Variants in TRPC4AP observed in about 807,000 individuals in gnomAD.
The protein encoded by TRPC4AP is short transient receptor potential channel 4-associated protein.
A neutral mutation model predicts 99.0 loss-of-function variants in TRPC4AP; 45 were observed. The ratio of observed to expected loss-of-function variants is 0.45; its 90% CI spans 0.36 to 0.58. The LOEUF (loss-of-function observed/expected upper bound fraction) is 0.58. TRPC4AP is among the 20% of genes least tolerant of loss of function. The pLI is 0.00. For synonymous variants in TRPC4AP, 408 were observed against 385.8 expected (o/e 1.06, Z -0.67); for missense variants, 879 against 985.3 (o/e 0.89, Z 1.44).
intron 7 of TRPC4AP, among the ~76,000 whole-genome samples, chr20:35,037,623 C>T (rs2083350918): frequency 6.6e-6 from 1 of 152,134 alleles, no homozygotes; most frequent in African/African-American, 2.4e-5. Context: ...TAATGAACCA[C>T]AAAAACATTA....
At chr20:35,090,613 A>C (rs1313873508) in intron 1 of TRPC4AP, among the ~76,000 whole-genome samples, 2 of 151,948 alleles carry the variant, frequency 1.3e-5, no homozygotes, top group African/African-American at 4.8e-5. Flanking sequence ...ACCTCAGATG[A>C]TCCACCCGCC....
intron 5 of TRPC4AP, 106 bp downstream of exon 5, chr20:35,054,866 ACTGT>A (rs2083788449): frequency 5.3e-6 from 5 of 934,788 alleles, no homozygotes; most frequent in Non-Finnish European, 6.6e-6. Context: ...CGATTCCCCC[ACTGT>A]CTGAAAGCAG....
At chr20:35,024,793 A>G (rs2082980202) in intron 8 of TRPC4AP, among the ~76,000 whole-genome samples, 2 of 138,386 alleles carry the variant, frequency 1.4e-5, no homozygotes, top group Admixed American at 1.6e-4. Context: ...ACACCACTGC[A>G]CTGTAGCCTA....
intron 2 of TRPC4AP, among the ~76,000 whole-genome samples, 197 bp downstream of exon 2, chr20:35,077,849 A>T (rs1313291757): frequency 6.6e-6 from 1 of 152,154 alleles, no homozygotes; most frequent in Non-Finnish European, 1.5e-5. Flanking sequence ...CCTAATGGTG[A>T]TTATCTTGGG....
chr20:35,037,722 C>T (rs976458867), intron 7 of TRPC4AP, among the ~76,000 whole-genome samples: 1 of 152,208 alleles, frequency 6.6e-6, no homozygotes, highest in Non-Finnish European at 1.5e-5. Context: ...TTGCGGTCAA[C>T]AACGACCACA....
At chr20:35,042,274 C>T (rs185062296) in intron 7 of TRPC4AP, among the ~76,000 whole-genome samples, 1 of 152,266 alleles carries the variant, frequency 6.6e-6, no homozygotes, top group East Asian at 1.9e-4. Context: ...AAACTTCTAC[C>T]TTTACATATG....
chr20:35,078,133 C>G lies in TRPC4AP; in HGVS notation c.210G>C (p.Lys70Asn), dbSNP rs758519272. The change falls in exon 2 of 19, where the codon AAG becomes AAC. Residue 70 changes from lysine (K) to asparagine (N), a missense_variant. Lys to Asn is a moderately conservative substitution (Grantham distance 94, BLOSUM62 0). Coordinates refer to ENST00000252015, the MANE Select transcript of TRPC4AP (RefSeq NM_015638.3). ...GGAGCAGCTGAGGAATTCCACTCCACTTGGATTGTTTGTCCCTCTCCGTCA... is the reference window on the plus strand; with the variant it reads ...GGAGCAGCTGAGGAATTCCACTCCAGTTGGATTGTTTGTCCCTCTCCGTCA... Reference protein sequence around the residue: ...TFLTERDKQSKWSGIPQLLLK... With the variant: ...TFLTERDKQSNWSGIPQLLLK... 3.1e-6 allele frequency: 5 copies of G among 1,613,920 alleles called. No homozygotes were observed. Among genetic ancestry groups the G allele is most frequent in the Non-Finnish European group, 4.2e-6 (5 of 1,179,988 alleles).
chr20:35,004,681 C>G, intron 16 of TRPC4AP, 111 bp from the exon 17 acceptor site: 1 of 820,900 alleles, frequency 1.2e-6, no homozygotes, highest in Admixed American at 2.2e-5. Flanking sequence ...AGGAGCTCAT[C>G]ATCAAAACAG....
chr20:35,014,546 A>T (rs2082708909), intron 10 of TRPC4AP, among the ~76,000 whole-genome samples: 1 of 152,210 alleles, frequency 6.6e-6, no homozygotes, highest in African/African-American at 2.4e-5. Flanking sequence ...AAAGTATTTT[A>T]AAAATGATTA....
intron 3 of TRPC4AP, among the ~76,000 whole-genome samples, chr20:35,065,039 A>G (rs1373110447): frequency 6.6e-6 from 1 of 152,232 alleles, no homozygotes; most frequent in Non-Finnish European, 1.5e-5. Flanking sequence ...TACTACACCA[A>G]TTCTTCTCAA....
Position 35,069,423 on chromosome 20 carries a change from T to A in TRPC4AP, c.298-11A>T, listed in dbSNP as rs546773802. The stretch of plus-strand genomic sequence containing the variant: ...AAGAGGAGAAATTTCCTAGTTTTTT[T>A]AAAAAAAAGTACATACATTGTTTTA... On this transcript the variant is annotated splice_polypyrimidine_tract_variant and intron_variant, in intron 2 of 18. Coordinates refer to ENST00000252015, the MANE Select transcript of TRPC4AP (RefSeq NM_015638.3). 73 of 1,521,166 alleles carry A rather than the reference T, an allele frequency of 4.8e-5. No homozygotes were observed. The highest frequency in any genetic ancestry group is 1.9e-4 in the African/African-American group (14 of 72,310). The allele number at this position is 1,521,166 out of a possible 1,614,324, so 94.2% of individuals were successfully genotyped here.
intron 3 of TRPC4AP, among the ~76,000 whole-genome samples, chr20:35,063,643 G>C (rs980129478): frequency 3.3e-5 from 5 of 152,102 alleles, no homozygotes; most frequent in Non-Finnish European, 7.4e-5. Context: ...AAGATCATTT[G>C]AGACCAGGAG....
intron 6 of TRPC4AP, 93 bp from the exon 7 acceptor site, chr20:35,044,805 A>C: frequency 8.3e-7 from 1 of 1,208,610 alleles, no homozygotes; most frequent in Non-Finnish European, 1.2e-6. Context: ...TACGGGGCTT[A>C]GTGGCTAGAT....
chr20:35,065,285 C>T (rs978833312), intron 3 of TRPC4AP, among the ~76,000 whole-genome samples: 2 of 152,144 alleles, frequency 1.3e-5, no homozygotes, highest in Non-Finnish European at 2.9e-5. Context: ...GAGTCATTTC[C>T]TCCATAAAAG....
intron 6 of TRPC4AP, among the ~76,000 whole-genome samples, chr20:35,045,294 T>A (rs1434750847): frequency 6.6e-6 from 1 of 152,100 alleles, no homozygotes; most frequent in Non-Finnish European, 1.5e-5. Flanking sequence ...TTACTTTTCA[T>A]CCAACATTTT....
intron 6 of TRPC4AP, among the ~76,000 whole-genome samples, chr20:35,048,515 G>C (rs1299040529): frequency 4.6e-5 from 7 of 152,102 alleles, no homozygotes; most frequent in Non-Finnish European, 1.0e-4. Context: ...CACCGTGCCT[G>C]GCCTGTAAGA....
chr20:35,069,884 T>C (rs891127624), intron 2 of TRPC4AP, among the ~76,000 whole-genome samples: 2 of 152,074 alleles, frequency 1.3e-5, no homozygotes, highest in African/African-American at 4.8e-5. Context: ...GACGTTGCAG[T>C]GAGCCAACAT....
chr20:35,019,360 C>T (rs989964409), intron 9 of TRPC4AP, among the ~76,000 whole-genome samples: 7 of 152,098 alleles, frequency 4.6e-5, no homozygotes, highest in African/African-American at 1.4e-4. Flanking sequence ...AACTCAAGAC[C>T]GCAACAACTC....
chr20:35,013,305 G>C (rs2082679152), intron 10 of TRPC4AP, among the ~76,000 whole-genome samples: 1 of 152,168 alleles, frequency 6.6e-6, no homozygotes, highest in Admixed American at 6.5e-5. Flanking sequence ...ATAAGGCGGG[G>C]CGTGGTGGTT....
Sources: gnomAD v4.1 joint callset for allele counts (sites outside exome capture counted in the v4.1 genomes callset) on GRCh38, gnomAD v4.1.1 for gene constraint, MANE v1.5 for transcripts, NCBI Gene and HGNC (gene_info 2026-07-23, HGNC 2026-07-21) for gene names.